Variants in UGT1A5 observed in about 807,000 individuals in gnomAD.
The protein encoded by UGT1A5 is UDP-glucuronosyltransferase 1A5.
UGT1A5 carries 29 observed loss-of-function variants against 40.3 expected under a neutral mutation model. That is an observed-to-expected ratio of 0.72 (90% CI 0.54 to 0.98). UGT1A5 has a LOEUF of 0.98. Ranked by LOEUF, UGT1A5 falls within the 50% of genes least tolerant of loss-of-function variation. UGT1A5 has a pLI of 0.00. For missense variants in UGT1A5, 678 were observed against 677.9 expected (o/e 1.00, Z 0.00); for synonymous variants, 257 against 262.5 (o/e 0.98, Z 0.20).
chr2:233,713,465 G>T lies in UGT1A5; in HGVS notation c.474G>T (p.Ala158=), dbSNP rs147117995. ...TAACAGACCCCTTTCACCTCTGCGCGGCGGTGCTGGCTAAGTACCTGTCGA... is the reference window on the plus strand; with the variant it reads ...TAACAGACCCCTTTCACCTCTGCGCTGCGGTGCTGGCTAAGTACCTGTCGA... ...VVLTDPFHLC[A]AVLAKYLSIP... The change falls in exon 1 of 5, where the codon GCG becomes GCT. Residue 158 remains alanine, a synonymous_variant. Transcript: ENST00000373414. 3.1e-6 allele frequency: 5 copies of T among 1,613,916 alleles called. No homozygotes were observed. In the African/African-American group the frequency reaches 5.3e-5, roughly 17 times the overall value.
chr2:233,756,501 T>C (rs1696241019), intron 1 of UGT1A5: 1 of 152,186 alleles, frequency 6.6e-6, no homozygotes, highest in Non-Finnish European at 1.5e-5. Flanking sequence ...CCCAAGTATA[T>C]GGAGGGTCAA....
At chr2:233,743,679 C>T (rs773832305) in intron 1 of UGT1A5, 13 of 1,367,098 alleles carry the variant, frequency 9.5e-6, no homozygotes, top group African/African-American at 5.9e-5. Flanking sequence ...AAGGGCCTGC[C>T]GCCTGTGCAG....
At chr2:233,748,742 C>T (rs533880197) in intron 1 of UGT1A5, among the ~76,000 whole-genome samples, 32 of 151,508 alleles carry the variant, frequency 2.1e-4, no homozygotes, top group African/African-American at 6.3e-4. Flanking sequence ...TCTCAGAGTT[C>T]GGAAGGCATA....
At chr2:233,719,099 G>A (rs769526366) in intron 1 of UGT1A5, 39 of 1,614,126 alleles carry the variant, frequency 2.4e-5, no homozygotes, top group African/African-American at 2.0e-4. Flanking sequence ...ATCGCGTTAC[G>A]CTGGGCTACA....
chr2:233,754,953 C>T (rs1487058909), intron 1 of UGT1A5: 2 of 1,319,926 alleles, frequency 1.5e-6, no homozygotes, highest in South Asian at 1.1e-5. Context: ...TGGGTCCCGG[C>T]CGCCAAAGAA....
At chr2:233,762,454 C>T (rs1698080898) in intron 1 of UGT1A5, among the ~76,000 whole-genome samples, 1 of 152,194 alleles carries the variant, frequency 6.6e-6, no homozygotes, top group African/African-American at 2.4e-5. Context: ...TGCCCACTTA[C>T]CGATAATGTC....
chr2:233,734,021 G>A (rs2078468168), intron 1 of UGT1A5, among the ~76,000 whole-genome samples: 1 of 152,072 alleles, frequency 6.6e-6, no homozygotes, highest in Non-Finnish European at 1.5e-5. Context: ...ACGAGTTAAT[G>A]GGTGCAGCAC....
intron 1 of UGT1A5, among the ~76,000 whole-genome samples, chr2:233,714,851 A>G (rs938283407): frequency 3.9e-5 from 6 of 152,152 alleles, no homozygotes; most frequent in Non-Finnish European, 5.9e-5. Flanking sequence ...TAAATATTCC[A>G]TGGATAAAAC....
chr2:233,756,393 A>G (rs1203467562), intron 1 of UGT1A5: 1 of 152,036 alleles, frequency 6.6e-6, no homozygotes, highest in Non-Finnish European at 1.5e-5. Flanking sequence ...GTTTTACAGT[A>G]TTGGTTTTTT....
At chr2:233,759,612 A>T (rs992811783) in intron 1 of UGT1A5, among the ~76,000 whole-genome samples, 1 of 32,712 alleles carries the variant, frequency 3.1e-5, no homozygotes, top group African/African-American at 8.8e-5. Flanking sequence ...CGCCCCACCC[A>T]CCCACCTGTT....
chr2:233,714,744 A>G (rs988527587), intron 1 of UGT1A5, among the ~76,000 whole-genome samples: 3 of 152,232 alleles, frequency 2.0e-5, no homozygotes, highest in Non-Finnish European at 4.4e-5. Flanking sequence ...AATCTAGCAT[A>G]TATTTGACAC....
chr2:233,750,944 C>T (rs1260619822), intron 1 of UGT1A5, among the ~76,000 whole-genome samples: 5 of 151,882 alleles, frequency 3.3e-5, no homozygotes, highest in Non-Finnish European at 7.3e-5. Flanking sequence ...AGCCCCCACA[C>T]AGAGTCTCCA....
rs1191731023 is a variant in UGT1A5, at chr2:233,773,247, T to C, written c.*688T>C. ...ATGAAGTGCTGGGCAAGTTTACTTTTTTTCTGATGTTTCCTACAACTAAAA... is the reference window on the plus strand; with the variant it reads ...ATGAAGTGCTGGGCAAGTTTACTTTCTTTCTGATGTTTCCTACAACTAAAA... On this transcript the variant is annotated 3_prime_UTR_variant, in exon 5 of 5. Coordinates refer to ENST00000373414, the MANE Select transcript of UGT1A5 (RefSeq NM_019078.2). The C allele has an allele frequency of 6.6e-6, 1 of 152,354 alleles. No homozygotes were observed. Among genetic ancestry groups the C allele is most frequent in the Admixed American group, 6.5e-5 (1 of 15,284 alleles). 9.4% of individuals were successfully genotyped at this position (152,354 alleles called of 1,614,324 possible).
chr2:233,743,079 G>C, intron 1 of UGT1A5: 3 of 345,058 alleles, frequency 8.7e-6, no homozygotes, highest in South Asian at 6.9e-5. Flanking sequence ...TTGGCATGAA[G>C]TGTTTATAAA....
At chr2:233,760,185 T>G in intron 1 of UGT1A5, 4 of 1,555,156 alleles carry the variant, frequency 2.6e-6, no homozygotes, top group Non-Finnish European at 3.5e-6. Context: ...CTTTTTATAG[T>G]CACGTGACAC....
At chr2:233,733,467 T>C (rs1231122039) in intron 1 of UGT1A5, among the ~76,000 whole-genome samples, 1 of 152,200 alleles carries the variant, frequency 6.6e-6, no homozygotes, top group African/African-American at 2.4e-5. Context: ...GCTCTTATTA[T>C]TTTGAGATAC....
intron 1 of UGT1A5, among the ~76,000 whole-genome samples, chr2:233,716,738 T>C (rs764631282): frequency 1.3e-5 from 2 of 152,172 alleles, no homozygotes; most frequent in Non-Finnish European, 2.9e-5. Context: ...TTTAGCTCTG[T>C]GAGATTGGGA....
At position 233,713,146 on chromosome 2, in the gene UGT1A5, A is replaced by G. The variant is rs2076284173; in HGVS notation, c.155A>G (p.His52Arg). 1 of 1,614,234 alleles carries G rather than the reference A, an allele frequency of 6.2e-7. No individual in the cohort carries two copies. Among genetic ancestry groups the G allele is most frequent in the East Asian group, 2.2e-5 (1 of 44,880 alleles). ...ATGCGGGAGGCCTTGCGGGACCTCC[A>G]TGCGAGAGGCCACCAGGTGGTGGTC... is the stretch of plus-strand genomic sequence containing the variant. ...LSMREALRDL[H>R]ARGHQVVVLT... Residue 52 changes from histidine to arginine, a missense_variant, in exon 1 of 5, where the codon CAT (histidine) becomes CGT (arginine). His to Arg is a conservative substitution (Grantham distance 29). Coordinates refer to ENST00000373414, the MANE Select transcript of UGT1A5 (RefSeq NM_019078.2).
intron 1 of UGT1A5, among the ~76,000 whole-genome samples, chr2:233,745,147 T>C (rs1693024972): frequency 6.6e-6 from 1 of 151,864 alleles, no homozygotes; most frequent in Non-Finnish European, 1.5e-5. Flanking sequence ...CCCAAGTATA[T>C]GGAGGGTCAA....
Sources: allele counts gnomAD v4.1 joint callset (sites outside exome capture counted in the v4.1 genomes callset), GRCh38; gene constraint gnomAD v4.1.1; transcripts MANE v1.5; gene names NCBI Gene and HGNC (gene_info 2026-07-23, HGNC 2026-07-21).